Variants in DMD observed in about 807,000 individuals in gnomAD.
DMD encodes dystrophin, also known as mutant dystrophin.
Under a neutral mutation model 330.1 loss-of-function variants are expected in DMD, and 63 were observed. The observed-to-expected ratio is 0.19, with a 90% CI of 0.16 to 0.24. The LOEUF (loss-of-function observed/expected upper bound fraction) is 0.24, where lower values mean the gene tolerates loss of function less well. Among genes scored for constraint, DMD ranks in the 10% least tolerant of loss-of-function variants. DMD has a pLI of 1.00. For synonymous variants in DMD, 1,223 were observed against 959.8 expected (o/e 1.27, Z -5.07); for missense variants, 3,344 against 2,684.1 (o/e 1.25, Z -5.43).
intron 7 of DMD, among the ~76,000 whole-genome samples, chrX:32,726,194 A>T (rs1305257412): frequency 9.0e-6 from 1 of 111,406 alleles, no homozygotes; most frequent in Non-Finnish European, 1.9e-5. Flanking sequence ...TAGCAAATCA[A>T]CCCATGAACA....
chrX:31,958,746 C>G (rs751846522), intron 45 of DMD, among the ~76,000 whole-genome samples: 3 of 111,907 alleles, frequency 2.7e-5, no homozygotes, highest in African/African-American at 9.7e-5. Context: ...AGATTGCCAC[C>G]ATCTCTACAT....
chrX:32,910,679 G>A (rs1229618635), intron 2 of DMD, among the ~76,000 whole-genome samples: 1 of 111,487 alleles, frequency 9.0e-6, no homozygotes, highest in Non-Finnish European at 1.9e-5. Context: ...CTGACCTCGT[G>A]ATCCGCCTGC....
chrX:32,501,555 T>G (rs2044056015), intron 19 of DMD, among the ~76,000 whole-genome samples, 200 bp downstream of exon 19: 1 of 111,792 alleles, frequency 8.9e-6, no homozygotes, highest in South Asian at 3.7e-4. Context: ...ACATCCCATT[T>G]TCTTCCAATG....
chrX:31,384,649 T>C (rs1002896559), intron 60 of DMD, among the ~76,000 whole-genome samples: 1 of 111,762 alleles, frequency 8.9e-6, no homozygotes, highest in African/African-American at 3.3e-5. Flanking sequence ...AACCTATTGT[T>C]TCCTCTCCCT....
At position 32,013,093 on chromosome X, in the gene DMD, C is replaced by CTTTTTTTTTTTTTTTTTTT. The variant is rs754162660; in HGVS notation, c.6439-44580_6439-44579insAAAAAAAAAAAAAAAAAAA. On this transcript the variant is annotated intron_variant, in intron 44 of 78. Transcript: ENST00000357033. ...GGAAATTAATCTTTTCTTTTCTTTCCTTTTTTTTTTTTTGAGATGGAATCT... is the reference window on the plus strand; with the variant it reads ...GGAAATTAATCTTTTCTTTTCTTTCCTTTTTTTTTTTTTTTTTTTTTTTTTTTTTTTTGAGATGGAATCT... Among the ~76,000 whole-genome samples, 69 of 61,152 alleles carry CTTTTTTTTTTTTTTTTTTT rather than the reference C, an allele frequency of 1.1e-3. 10 individuals are homozygous for CTTTTTTTTTTTTTTTTTTT. Among genetic ancestry groups the CTTTTTTTTTTTTTTTTTTT allele is most frequent in the African/African-American group, 3.9e-3 (48 of 12,318 alleles). 53.1% of individuals were successfully genotyped at this position (61,152 alleles called of 115,157 possible).
chrX:32,443,724 G>A (rs2098291995), intron 27 of DMD, among the ~76,000 whole-genome samples: 1 of 111,028 alleles, frequency 9.0e-6, no homozygotes, highest in African/African-American at 3.3e-5. Flanking sequence ...TAGTCTTGAA[G>A]CCCGAATTGG....
At chrX:32,272,008 A>G (rs1029483671) in intron 43 of DMD, among the ~76,000 whole-genome samples, 1 of 111,768 alleles carries the variant, frequency 8.9e-6, no homozygotes, top group Non-Finnish European at 1.9e-5. Flanking sequence ...TCAATAAAAT[A>G]TTAACATGTA....
chrX:32,322,935 C>T (rs1413114689), intron 41 of DMD, among the ~76,000 whole-genome samples: 2 of 112,264 alleles, frequency 1.8e-5, no homozygotes, highest in Admixed American at 1.9e-4. Flanking sequence ...ACAAAGTTTA[C>T]ATCCTTTATG....
intron 7 of DMD, among the ~76,000 whole-genome samples, chrX:32,807,448 C>T (rs1278185501): frequency 3.6e-5 from 4 of 111,292 alleles, no homozygotes; most frequent in Non-Finnish European, 7.6e-5. Flanking sequence ...TAAGCAGTGG[C>T]TGGATCTTCA....
chrX:32,175,766 A>G (rs1378191824), intron 44 of DMD, among the ~76,000 whole-genome samples: 1 of 111,552 alleles, frequency 9.0e-6, no homozygotes, highest in African/African-American at 3.3e-5. Context: ...CCTTTTGTAC[A>G]TGAAACTCAA....
intron 62 of DMD, among the ~76,000 whole-genome samples, chrX:31,303,077 C>T (rs953619126): frequency 4.5e-5 from 5 of 111,908 alleles, no homozygotes; most frequent in Admixed American, 3.8e-4. Flanking sequence ...CATACTACAA[C>T]TAGTATCATA....
intron 1 of DMD, among the ~76,000 whole-genome samples, chrX:33,156,351 G>A (rs180681557): frequency 4.8e-4 from 54 of 112,322 alleles, no homozygotes; most frequent in South Asian, 1.1e-3. Context: ...CATCACTACC[G>A]TCACTACTAG....
chrX:31,798,258 G>T (rs1285979880), intron 50 of DMD, among the ~76,000 whole-genome samples: 1 of 110,854 alleles, frequency 9.0e-6, no homozygotes. Context: ...TACCCAGTGG[G>T]TTCAGGAAGA....
intron 59 of DMD, among the ~76,000 whole-genome samples, chrX:31,477,009 G>GA (rs996197169): frequency 4.5e-5 from 5 of 110,787 alleles, no homozygotes; most frequent in Non-Finnish European, 9.5e-5. Flanking sequence ...TAGGAAACAG[G>GA]AAAAAAAAGG....
At chrX:32,708,793 G>T (rs2064921197) in intron 7 of DMD, among the ~76,000 whole-genome samples, 1 of 111,496 alleles carries the variant, frequency 9.0e-6, no homozygotes, top group South Asian at 3.8e-4. Flanking sequence ...CATTTATGTG[G>T]GATGGTGTCA....
chrX:32,190,550 T>TTAGATA lies in DMD; in HGVS notation c.6438+26365_6438+26366insTATCTA, dbSNP rs1198323604. Among the ~76,000 whole-genome samples the TTAGATA allele has an allele frequency of 6.4e-5, 4 of 62,520 alleles. No homozygotes were observed. The East Asian group carries it at 2.1e-3, about 32-fold the overall frequency. The allele number at this position is 62,520 out of a possible 115,157, so 54.3% of individuals were successfully genotyped here. A position where few individuals can be genotyped will look rare whatever the true frequency, so the allele number is the denominator to read the frequency against. On this transcript the variant is annotated intron_variant, in intron 44 of 78. Coordinates refer to ENST00000357033, the MANE Select transcript of DMD (RefSeq NM_004006.3). ...ATTCTAGCTAACCATATTTAAAATT[T>TTAGATA]TATATATATATATATATATATATAT...
intron 63 of DMD, among the ~76,000 whole-genome samples, chrX:31,246,542 G>A (rs1362226874): frequency 3.6e-5 from 4 of 112,441 alleles, no homozygotes; most frequent in Non-Finnish European, 7.5e-5. Context: ...TCAATGGACA[G>A]GCTGTATCTC....
chrX:32,607,450 A>G (rs755594748), intron 12 of DMD, among the ~76,000 whole-genome samples: 22 of 95,936 alleles, frequency 2.3e-4, no homozygotes, highest in Middle Eastern at 5.2e-3. Context: ...GATATGACTT[A>G]GATAAAAATT....
intron 1 of DMD, among the ~76,000 whole-genome samples, chrX:33,279,971 T>TCTAGATATCAAGTTCTTGATATCTAG: frequency 9.3e-6 from 1 of 108,101 alleles, no homozygotes; most frequent in Admixed American, 1.0e-4. Context: ...TATCTAGATA[T>TCTAGATATCAAGTTCTTGATATCTAG]ATGGTTTGCC....
Sources: allele counts gnomAD v4.1 joint callset (sites outside exome capture counted in the v4.1 genomes callset), GRCh38; gene constraint gnomAD v4.1.1; transcripts MANE v1.5; gene names NCBI Gene and HGNC (gene_info 2026-07-23, HGNC 2026-07-21).